MYL2: variants seen among roughly 807,000 people sequenced by gnomAD.
MYL2 encodes myosin regulatory light chain 2, ventricular/cardiac muscle isoform.
In MYL2, 19 loss-of-function variants were observed where a neutral mutation model predicts 23.0. The observed-to-expected ratio is 0.83, with a 90% CI of 0.58 to 1.21. The LOEUF (loss-of-function observed/expected upper bound fraction) is 1.21. Among genes scored for constraint, MYL2 ranks in the 50% most tolerant of loss-of-function variants. The pLI, the probability that MYL2 is intolerant of heterozygous loss-of-function variation, is 0.00. For synonymous variants in MYL2, 78 were observed against 76.2 expected, an observed-to-expected ratio of 1.02 and a Z score of -0.13; for missense variants, 180 against 215.1, an observed-to-expected ratio of 0.84 and a Z score of 1.02.
chr12:110,920,415 G>A (rs1592803085), intron 1 of MYL2, 112 bp downstream of exon 1: 2 of 1,509,304 alleles, frequency 1.3e-6, no homozygotes, highest in Non-Finnish European at 1.8e-6. Context: ...TCCACAAGGG[G>A]CTGGAGGCTT....
At chr12:110,919,002 G>T in intron 2 of MYL2, 102 bp downstream of exon 2, 1 of 1,000,504 alleles carries the variant, frequency 1.0e-6, no homozygotes, top group Non-Finnish European at 1.6e-6. Flanking sequence ...GAGGATAGAG[G>T]CATCTAATGA....
At chr12:110,915,816 T>C (rs772239831) in intron 2 of MYL2, 26 bp from the exon 3 acceptor site, 1 of 1,608,584 alleles carries the variant, frequency 6.2e-7, no homozygotes, top group East Asian at 2.2e-5. Context: ...GATTGGCAGC[T>C]CAGCCTGGGA....
chr12:110,914,028 G>A (rs142999155), intron 4 of MYL2, among the ~76,000 whole-genome samples, 158 bp downstream of exon 4: 257 of 152,272 alleles, frequency 1.7e-3, no homozygotes, highest in African/African-American at 6.0e-3. Flanking sequence ...AAGTGCTGGG[G>A]ATTACAGGCA....
At position 110,918,032 on chromosome 12, in the gene MYL2, G is replaced by A. The variant is rs568084707; in HGVS notation, c.93+1072C>T. On this transcript the variant is annotated intron_variant, in intron 2 of 6. Coordinates refer to ENST00000228841, the MANE Select transcript of MYL2 (RefSeq NM_000432.4). This position sits in a 1 kb window ranked among gnomAD's most constrained non-coding sequence, Gnocchi z 4.4. ...TGGGAGGTTGATGCTGCAGGGAGCCGTGGTTGTGCCACTGCACTCTAGCCT... is the reference window on the plus strand; with the variant it reads ...TGGGAGGTTGATGCTGCAGGGAGCCATGGTTGTGCCACTGCACTCTAGCCT... 1.4e-4 allele frequency among the ~76,000 whole-genome samples: 21 copies of A among 152,292 alleles called. No individual in the cohort carries two copies. Among genetic ancestry groups the A allele is most frequent in the East Asian group, 3.9e-4 (2 of 5,172 alleles).
At chr12:110,919,960 A>G (rs1379645764) in intron 1 of MYL2, among the ~76,000 whole-genome samples, 2 of 152,126 alleles carry the variant, frequency 1.3e-5, no homozygotes, top group African/African-American at 4.8e-5. Context: ...AGCCACACAC[A>G]CAGAAGGCAG....
At chr12:110,911,869 T>A (rs954339049) in intron 6 of MYL2, among the ~76,000 whole-genome samples, 5 of 152,248 alleles carry the variant, frequency 3.3e-5, no homozygotes, top group African/African-American at 1.2e-4. Flanking sequence ...ATTATTTTTT[T>A]AAAACATACT....
chr12:110,911,704 T>C (rs1184487425), intron 6 of MYL2, among the ~76,000 whole-genome samples: 5 of 152,180 alleles, frequency 3.3e-5, no homozygotes, highest in Non-Finnish European at 5.9e-5. Flanking sequence ...AGGCAGGTTA[T>C]GCAAGGGAGC....
In MYL2 at chr12:110,913,224, CT is replaced by C. The variant is rs2071666094; in HGVS notation, c.353+21del. 3.1e-6 allele frequency: 5 copies of C among 1,600,758 alleles called. No individual in the cohort carries two copies. The African/African-American group carries it at 5.5e-5, about 18-fold the overall frequency. ...AGGGGGCAAGCAGGGAACCCCCTTC[CT>C]CCCCCACAGACCCCACTCACTAATC... On this transcript the variant is annotated intron_variant, in intron 5 of 6. Coordinates refer to ENST00000228841, the MANE Select transcript of MYL2 (RefSeq NM_000432.4).
intron 1 of MYL2, 45 bp downstream of exon 1, chr12:110,920,482 C>T (rs1372436850): frequency 6.8e-6 from 11 of 1,613,854 alleles, no homozygotes; most frequent in Non-Finnish European, 8.5e-6. Context: ...GGCTTCCTCT[C>T]CTCGCCCACC....
chr12:110,920,514 C>T lies in MYL2; in HGVS notation c.3+13G>A. On this transcript the variant is annotated intron_variant, in intron 1 of 6. Coordinates refer to ENST00000228841, the MANE Select transcript of MYL2 (RefSeq NM_000432.4). ...CACCCGGCATCATCACCTCCTGGAG[C>T]CCTTGTACTCACCATGGTGGAAAGG... 1 of 1,614,162 alleles carries T rather than the reference C, an allele frequency of 6.2e-7. No individual in the cohort carries two copies.
chr12:110,915,690 T>C (rs2071683438), intron 3 of MYL2, 25 bp downstream of exon 3: 2 of 1,605,414 alleles, frequency 1.2e-6, no homozygotes, highest in Non-Finnish European at 1.7e-6. Context: ...GAGACCCTCA[T>C]GCAGGGCTAG....
At chr12:110,920,355 C>T (rs1318317743) in intron 1 of MYL2, among the ~76,000 whole-genome samples, 172 bp downstream of exon 1, 3 of 152,030 alleles carry the variant, frequency 2.0e-5, no homozygotes, top group Admixed American at 6.6e-5. Flanking sequence ...TGTGGCCTAT[C>T]GGGGCATTGA....
rs771985912 is a variant in MYL2, at chr12:110,918,886, A to G, written c.93+218T>C. ...GTGCTTTTCTGAAAAATTTTCCAAC[A>G]TTTTTCAACATGGAATATGTTTTAC... On this transcript the variant is annotated intron_variant, in intron 2 of 6. Coordinates refer to ENST00000228841, the MANE Select transcript of MYL2 (RefSeq NM_000432.4). This position sits in a 1 kb window ranked among gnomAD's most constrained non-coding sequence, Gnocchi z 4.4. 9.8e-5 allele frequency: 55 copies of G among 560,202 alleles called. No homozygotes were observed. Among genetic ancestry groups the G allele is most frequent in the Non-Finnish European group, 1.7e-4 (54 of 316,914 alleles). The allele number at this position is 560,202 out of a possible 1,614,324, so 34.7% of individuals were successfully genotyped here. A position where few individuals can be genotyped will look rare whatever the true frequency, so the allele number is the denominator to read the frequency against.
At position 110,913,102 on chromosome 12, in the gene MYL2, C is replaced by T; in HGVS notation, c.396G>A (p.Lys132=). ...GCTTGAAGGACCCCATTACCTCCTCCTTGGAAAACCTCTCCGCCTGCGTGG... is the reference window on the plus strand; with the variant it reads ...GCTTGAAGGACCCCATTACCTCCTCTTTGGAAAACCTCTCCGCCTGCGTGG... ...MLTTQAERFS[K]EEVDQMFAAF... The change falls in exon 6 of 7, where the codon AAG becomes AAA. Residue 132 remains lysine (K), a synonymous_variant. Transcript: ENST00000228841. 1 of 1,614,180 alleles carries T rather than the reference C, an allele frequency of 6.2e-7. No homozygotes were observed. Among genetic ancestry groups the T allele is most frequent in the Non-Finnish European group, 8.5e-7 (1 of 1,180,024 alleles).
chr12:110,914,319 T>C, intron 3 of MYL2, 29 bp from the exon 4 acceptor site: 3 of 1,528,232 alleles, frequency 2.0e-6, no homozygotes, highest in Non-Finnish European at 2.7e-6. Flanking sequence ...ACTCAGGGAC[T>C]CCGAGCTGGG....
intron 2 of MYL2, among the ~76,000 whole-genome samples, 176 bp from the exon 3 acceptor site, chr12:110,915,966 C>T (rs1035739012): frequency 6.6e-6 from 1 of 152,190 alleles, no homozygotes; most frequent in Non-Finnish European, 1.5e-5. Flanking sequence ...AACGTCAGGC[C>T]TCGTGTTATC....
intron 6 of MYL2, 73 bp downstream of exon 6, chr12:110,913,023 G>A: frequency 6.6e-7 from 1 of 1,521,236 alleles, no homozygotes; most frequent in Non-Finnish European, 9.1e-7. Context: ...CTTTAGACGA[G>A]AGGGGAGACG....
chr12:110,910,980 C>G lies in MYL2; in HGVS notation c.*97G>C. 8.6e-7 allele frequency: 1 copy of G among 1,163,414 alleles called. No individual in the cohort carries two copies. Among genetic ancestry groups the G allele is most frequent in the South Asian group, 1.2e-5 (1 of 81,832 alleles). 72.1% of individuals were successfully genotyped at this position (1,163,414 alleles called of 1,614,324 possible). A position where few individuals can be genotyped will look rare whatever the true frequency, so the allele number is the denominator to read the frequency against. On this transcript the variant is annotated 3_prime_UTR_variant, in exon 7 of 7. Transcript: ENST00000228841. ...ATAAATGGGGCAGCCACATGGCTAA[C>G]AGACAAGGTAGGGACAGAGGCGGTA...
chr12:110,918,991 G>T lies in MYL2; in HGVS notation c.93+113C>A. ...GTTCAGGCCGAATTTGGGATTGTTT[G>T]GAGGATAGAGGCATCTAATGAAAGG... On this transcript the variant is annotated intron_variant, in intron 2 of 6. Transcript: ENST00000228841. The surrounding 1 kb of genome is among the most constrained non-coding windows in gnomAD (Gnocchi z 4.4). 2.2e-6 allele frequency: 2 copies of T among 924,260 alleles called. No individual in the cohort carries two copies. The highest frequency in any genetic ancestry group is 1.6e-5 in the African/African-American group (1 of 61,590). The allele number at this position is 924,260 out of a possible 1,614,324, so 57.3% of individuals were successfully genotyped here.
Sources: allele counts gnomAD v4.1 joint callset (sites outside exome capture counted in the v4.1 genomes callset), GRCh38; gene constraint gnomAD v4.1.1; non-coding constraint Gnocchi (gnomAD v3.1); transcripts MANE v1.5; gene names NCBI Gene and HGNC (gene_info 2026-07-23, HGNC 2026-07-21).